The following VPS52 variants were observed in gnomAD, a reference collection of about 807,000 sequenced individuals.
VPS52 encodes VPS52 subunit of GARP complex, also known as vacuolar protein sorting-associated protein 52 homolog.
VPS52 carries 56 observed loss-of-function variants against 98.7 expected under a neutral mutation model. That is an observed-to-expected ratio of 0.57 (90% CI 0.46 to 0.71). VPS52 has a LOEUF of 0.71. VPS52 is among the 30% of genes least tolerant of loss of function. The probability of loss-of-function intolerance (pLI) is 0.00; values close to 1 mark genes in which losing one functional copy is unlikely to be tolerated. For missense variants in VPS52, 742 were observed against 925.9 expected (o/e 0.80, Z 2.58); for synonymous variants, 348 against 346.4 (o/e 1.00, Z -0.05).
At chr6:33,258,966 C>T (rs1287384737) in intron 17 of VPS52, among the ~76,000 whole-genome samples, 1 of 152,180 alleles carries the variant, frequency 6.6e-6, no homozygotes, top group Non-Finnish European at 1.5e-5. Flanking sequence ...GCACCAGCTT[C>T]AGGGAGTCTG....
intron 4 of VPS52, 35 bp downstream of exon 4, chr6:33,269,709 C>G: frequency 6.2e-7 from 1 of 1,605,912 alleles, no homozygotes; most frequent in Non-Finnish European, 8.5e-7. Context: ...ATCCCCATGT[C>G]AATAGCACCA....
chr6:33,264,628 G>A, intron 13 of VPS52, 131 bp from the exon 14 acceptor site: 1 of 1,477,530 alleles, frequency 6.8e-7, no homozygotes. Flanking sequence ...TTGGAGAAAG[G>A]TGAGTCAAAA....
Position 33,268,164 on chromosome 6 carries a change from G to A in VPS52, c.744C>T (p.Ser248=). The change falls in exon 8 of 20, where the codon TCC becomes TCT. Residue 248 remains serine (S), a synonymous_variant. Transcript: ENST00000445902. The surrounding 1 kb of genome is among the most constrained non-coding windows in gnomAD (Gnocchi z 4.0). ...IREFILQKIY[S]FRKPMTNYQI... ...GATAGTTGGTCATGGGTTTCCTGAA[G>A]GAATAAATCTTCTGGAGGATAAACT... 1 of 1,613,054 alleles carries A rather than the reference G, an allele frequency of 6.2e-7. No individual in the cohort carries two copies. The highest frequency in any genetic ancestry group is 1.7e-5 in the Admixed American group (1 of 60,018).
chr6:33,257,750 G>T (rs1763161980), intron 17 of VPS52, among the ~76,000 whole-genome samples: 1 of 152,208 alleles, frequency 6.6e-6, no homozygotes, highest in South Asian at 2.1e-4. Flanking sequence ...GATGGTGGCT[G>T]TAAGCCCAGC....
At position 33,269,407 on chromosome 6, in the gene VPS52, G is replaced by C. The variant is rs904181020; in HGVS notation, c.372+83C>G. On this transcript the variant is annotated intron_variant, in intron 5 of 19. Coordinates refer to ENST00000445902, the MANE Select transcript of VPS52 (RefSeq NM_022553.6). ...AATGACCCTAACCTGTCCCCATCTT[G>C]AGGCTGATGACCTAAAAATGGCACC... 34 of 1,570,740 alleles carry C rather than the reference G, an allele frequency of 2.2e-5. No homozygotes were observed. The African/African-American group carries it at 4.1e-4, about 19-fold the overall frequency.
chr6:33,266,416 C>G, intron 12 of VPS52, 141 bp downstream of exon 12: 1 of 1,111,596 alleles, frequency 9.0e-7, no homozygotes, highest in Non-Finnish European at 1.2e-6. Flanking sequence ...TATGGGTGTG[C>G]ACTACCACGC....
chr6:33,271,950 G>T (rs1304874876), upstream of VPS52: 2 of 1,056,824 alleles, frequency 1.9e-6, no homozygotes, highest in South Asian at 1.6e-5. Context: ...GGAAGTTGTG[G>T]TACCCAAGCC....
chr6:33,254,275 GTAAATAAA>G (rs550435201), intron 17 of VPS52, among the ~76,000 whole-genome samples: 5 of 151,614 alleles, frequency 3.3e-5, no homozygotes, highest in Non-Finnish European at 7.4e-5. Context: ...ACTTGTCTCA[GTAAATAAA>G]TAAATAAATA....
At chr6:33,266,252 C>A (rs1055010102) in intron 12 of VPS52, among the ~76,000 whole-genome samples, 2 of 151,484 alleles carry the variant, frequency 1.3e-5, no homozygotes, top group Non-Finnish European at 2.9e-5. Context: ...AATCCTTCCA[C>A]CTCAGCATCT....
intron 15 of VPS52, 29 bp from the exon 16 acceptor site, chr6:33,263,908 C>T: frequency 1.2e-6 from 2 of 1,613,954 alleles, no homozygotes; most frequent in Non-Finnish European, 1.7e-6. Context: ...AGAGGTGACA[C>T]CAGAAAGCAA....
intron 12 of VPS52, among the ~76,000 whole-genome samples, chr6:33,266,194 A>T (rs1321100341): frequency 3.0e-5 from 4 of 133,164 alleles, no homozygotes; most frequent in Non-Finnish European, 6.2e-5. Context: ...GACAGGTCTC[A>T]CTCTGGAGTG....
Position 33,250,562 on chromosome 6 carries a change from GA to G in VPS52, c.*278del. ...ACAAGCCTTGGGTGTATGGGAGCAG[GA>G]AAGGAGGGTGACAGACTGGAGAAAT... On this transcript the variant is annotated 3_prime_UTR_variant, in exon 20 of 20. Coordinates refer to ENST00000445902, the MANE Select transcript of VPS52 (RefSeq NM_022553.6). 1 of 449,994 alleles carries G rather than the reference GA, an allele frequency of 2.2e-6. No individual in the cohort carries two copies. Among genetic ancestry groups the G allele is most frequent in the Non-Finnish European group, 4.0e-6 (1 of 252,358 alleles). 27.9% of individuals were successfully genotyped at this position (449,994 alleles called of 1,614,324 possible).
chr6:33,268,142 A>G lies in VPS52; in HGVS notation c.766T>C (p.Tyr256His), dbSNP rs759514623. 6.2e-7 allele frequency: 1 copy of G among 1,613,042 alleles called. No individual in the cohort carries two copies. The highest frequency in any genetic ancestry group is 8.5e-7 in the Non-Finnish European group (1 of 1,180,032). Reference sequence around the variant, plus strand: ...AGCAGGGCCGTCTGGGGGATCTGATAGTTGGTCATGGGTTTCCTGAAGGAA... The same window carrying G: ...AGCAGGGCCGTCTGGGGGATCTGATGGTTGGTCATGGGTTTCCTGAAGGAA... The part of the protein sequence containing the change: ...IYSFRKPMTN[Y>H]QIPQTALLKY... The change falls in exon 8 of 20, where the codon TAT becomes CAT. Residue 256 changes from tyrosine (Y) to histidine (H), a missense_variant. Transcript: ENST00000445902. This position sits in a 1 kb window ranked among gnomAD's most constrained non-coding sequence, Gnocchi z 4.0.
Position 33,269,728 on chromosome 6 carries a change from C to T in VPS52, c.304+16G>A, listed in dbSNP as rs766207929. On this transcript the variant is annotated intron_variant, in intron 4 of 19. Coordinates refer to ENST00000445902, the MANE Select transcript of VPS52 (RefSeq NM_022553.6). ...CCATGTCAATAGCACCACCCCTTCC[C>T]TCTGCTGGAGGATACAATCCCGAAT... The T allele has an allele frequency of 4.3e-6, 7 of 1,612,802 alleles. No homozygotes were observed. The Admixed American group carries it at 5.0e-5, about 12-fold the overall frequency.
At chr6:33,264,594 G>C (rs1764067304) in intron 13 of VPS52, 97 bp from the exon 14 acceptor site, 1 of 1,560,544 alleles carries the variant, frequency 6.4e-7, no homozygotes, top group Non-Finnish European at 8.7e-7. Context: ...TCAATAGCTA[G>C]TTGTGGGGGT....
chr6:33,251,352 CA>C (rs1762210928), intron 19 of VPS52, among the ~76,000 whole-genome samples, 165 bp downstream of exon 19: 1 of 150,410 alleles, frequency 6.6e-6, no homozygotes, highest in Non-Finnish European at 1.5e-5. Context: ...AAAAAAAAAA[CA>C]AAACAAACAA....
At chr6:33,263,577 GT>G in intron 16 of VPS52, 28 bp from the exon 17 acceptor site, 5 of 1,614,024 alleles carry the variant, frequency 3.1e-6, no homozygotes. Context: ...GAAATGTCTA[GT>G]TTGGGGAAAG....
chr6:33,262,656 T>TGG (rs1446977647), intron 17 of VPS52, among the ~76,000 whole-genome samples: 2 of 152,160 alleles, frequency 1.3e-5, no homozygotes, highest in African/African-American at 4.8e-5. Flanking sequence ...AAAGAAAATG[T>TGG]GGGATATATA....
intron 17 of VPS52, among the ~76,000 whole-genome samples, chr6:33,252,641 T>G (rs1762431652): frequency 6.9e-6 from 1 of 145,712 alleles, no homozygotes; most frequent in Non-Finnish European, 1.5e-5. Context: ...GTAAGAACTA[T>G]GAGGAATGAA....
Sources: allele counts gnomAD v4.1 joint callset (sites outside exome capture counted in the v4.1 genomes callset), GRCh38; gene constraint gnomAD v4.1.1; non-coding constraint Gnocchi (gnomAD v3.1); transcripts MANE v1.5; gene names NCBI Gene and HGNC (gene_info 2026-07-23, HGNC 2026-07-21).